Variants in NME7 observed in about 807,000 individuals in gnomAD.
The protein encoded by NME7 is NME/NM23 family member 7.
Under a neutral mutation model 49.1 loss-of-function variants are expected in NME7, and 41 were observed. The observed-to-expected ratio is 0.83, with a 90% confidence interval of 0.65 to 1.08. The LOEUF is 1.08. Among genes scored for constraint, NME7 ranks in the 50% least tolerant of loss-of-function variants. The probability of loss-of-function intolerance (pLI) is 0.00; values close to 1 mark genes in which losing one functional copy is unlikely to be tolerated. For missense variants in NME7, 423 were observed against 463.4 expected, an observed-to-expected ratio of 0.91 and a Z score of 0.80; for synonymous variants, 139 against 150.6, an observed-to-expected ratio of 0.92 and a Z score of 0.56.
intron 3 of NME7, among the ~76,000 whole-genome samples, chr1:169,320,200 A>G (rs1434639194): frequency 6.6e-6 from 1 of 152,218 alleles, no homozygotes; most frequent in East Asian, 1.9e-4. Context: ...ATTACTAGCT[A>G]AAATTAAAAT....
intron 11 of NME7, among the ~76,000 whole-genome samples, chr1:169,149,464 G>A (rs1181294060): frequency 1.3e-5 from 2 of 152,058 alleles, no homozygotes; most frequent in Non-Finnish European, 2.9e-5. Context: ...CTTATCCCTA[G>A]GGGATACATC....
chr1:169,185,954 T>A (rs1466659111), intron 10 of NME7, among the ~76,000 whole-genome samples: 2 of 152,162 alleles, frequency 1.3e-5, no homozygotes, highest in African/African-American at 2.4e-5. Flanking sequence ...TAATATATGA[T>A]GTTTGCATTG....
rs573484592 is a variant in NME7 at position 169,276,937 on chromosome 1, C to T, written c.754+10366G>A. 3.7e-4 allele frequency among the ~76,000 whole-genome samples: 55 copies of T among 149,704 alleles called. 3 individuals are homozygous for T. The South Asian group carries it at 5.7e-3, about 16-fold the overall frequency. On this transcript the variant is annotated intron_variant, in intron 7 of 11. Coordinates refer to ENST00000367811, the MANE Select transcript of NME7 (RefSeq NM_013330.5). ...AACATCTTTATTTCTGCCTTCATTT[C>T]GTTATGTACCCAGTAGTCATTCAGG...
At chr1:169,296,830 A>AC (rs1298744640) in intron 6 of NME7, among the ~76,000 whole-genome samples, 1 of 151,920 alleles carries the variant, frequency 6.6e-6, no homozygotes, top group Non-Finnish European at 1.5e-5. Flanking sequence ...TGTTTATTTG[A>AC]CCTTCAACCG....
chr1:169,352,302 A>C (rs1653205170), intron 1 of NME7, among the ~76,000 whole-genome samples: 1 of 152,130 alleles, frequency 6.6e-6, no homozygotes, highest in African/African-American at 2.4e-5. Flanking sequence ...GTGATACATC[A>C]TATCAACAGA....
At chr1:169,246,891 AC>A (rs1240105888) in intron 7 of NME7, 2 of 383,772 alleles carry the variant, frequency 5.2e-6, no homozygotes, top group African/African-American at 4.3e-5. Context: ...GTATAACAAC[AC>A]CTTTGTAGAT....
At chr1:169,233,316 A>AT (rs1200503697) in intron 9 of NME7, among the ~76,000 whole-genome samples, 14 of 152,070 alleles carry the variant, frequency 9.2e-5, no homozygotes, top group Non-Finnish European at 1.6e-4. Flanking sequence ...CTCAAAAATA[A>AT]TTTTTTTCAC....
intron 9 of NME7, among the ~76,000 whole-genome samples, chr1:169,234,009 T>A (rs1202869923): frequency 6.6e-6 from 1 of 152,062 alleles, no homozygotes; most frequent in Non-Finnish European, 1.5e-5. Flanking sequence ...CTTTCAGTGT[T>A]GATTACAGAT....
intron 2 of NME7, 62 bp from the exon 3 acceptor site, chr1:169,323,345 T>A: frequency 1.7e-5 from 22 of 1,325,836 alleles, no homozygotes; most frequent in East Asian, 2.6e-5. Flanking sequence ...GGAAAGTTAA[T>A]CTCATCATAA....
intron 10 of NME7, among the ~76,000 whole-genome samples, chr1:169,198,962 G>T (rs528995221): frequency 6.6e-6 from 1 of 152,022 alleles, no homozygotes; most frequent in Non-Finnish European, 1.5e-5. Flanking sequence ...TTACCAGACA[G>T]GCCACCTAGG....
intron 10 of NME7, among the ~76,000 whole-genome samples, chr1:169,223,840 T>C (rs1295065930): frequency 6.6e-6 from 1 of 152,096 alleles, no homozygotes; most frequent in Non-Finnish European, 1.5e-5. Context: ...CATACACACA[T>C]TTATATCTTT....
At chr1:169,278,489 G>T (rs1201816954) in intron 7 of NME7, among the ~76,000 whole-genome samples, 1 of 151,994 alleles carries the variant, frequency 6.6e-6, no homozygotes, top group Non-Finnish European at 1.5e-5. Context: ...CGACTCCTGA[G>T]GCTTCTGCAT....
chr1:169,132,861 G>C, intron 11 of NME7, 44 bp from the exon 12 acceptor site: 1 of 1,594,010 alleles, frequency 6.3e-7, no homozygotes, highest in Non-Finnish European at 8.6e-7. Flanking sequence ...GACAAATTTT[G>C]GTCTTTTCCA....
intron 11 of NME7, among the ~76,000 whole-genome samples, chr1:169,152,580 A>G (rs568748575): frequency 3.3e-5 from 5 of 152,354 alleles, no homozygotes; most frequent in African/African-American, 1.2e-4. Flanking sequence ...GAATTGAGGA[A>G]TGAACAAAAC....
chr1:169,341,903 GAACT>G (rs1461396133), intron 1 of NME7, among the ~76,000 whole-genome samples: 2 of 152,134 alleles, frequency 1.3e-5, no homozygotes, highest in Admixed American at 6.5e-5. Flanking sequence ...CTGTATCTTA[GAACT>G]AACTAACTTG....
At chr1:169,228,541 G>A (rs1053282905) in intron 10 of NME7, among the ~76,000 whole-genome samples, 4 of 151,358 alleles carry the variant, frequency 2.6e-5, no homozygotes, top group Non-Finnish European at 5.9e-5. Flanking sequence ...GCCGGGCGCA[G>A]TGGCGGGCGC....
chr1:169,322,951 T>C (rs1651909391), intron 3 of NME7, among the ~76,000 whole-genome samples, 166 bp downstream of exon 3: 1 of 152,134 alleles, frequency 6.6e-6, no homozygotes, highest in Non-Finnish European at 1.5e-5. Context: ...TGCACAACTA[T>C]GGTATTATCA....
intron 10 of NME7, among the ~76,000 whole-genome samples, chr1:169,190,201 GA>G (rs1377501592): frequency 6.6e-6 from 1 of 151,638 alleles, no homozygotes. Flanking sequence ...ATAAAAATTA[GA>G]AAAAAATCAA....
chr1:169,225,955 T>A (rs911349077), intron 10 of NME7, among the ~76,000 whole-genome samples: 1 of 152,190 alleles, frequency 6.6e-6, no homozygotes, highest in African/African-American at 2.4e-5. Context: ...GAAAATAATT[T>A]GTAAGAAGCA....
Sources: gnomAD v4.1 joint callset for allele counts (sites outside exome capture counted in the v4.1 genomes callset) on GRCh38, gnomAD v4.1.1 for gene constraint, MANE v1.5 for transcripts, NCBI Gene and HGNC (gene_info 2026-07-23, HGNC 2026-07-21) for gene names.